The following RALGAPA1 variants were observed in gnomAD, a reference collection of about 807,000 sequenced individuals.
The protein encoded by RALGAPA1 is ral GTPase-activating protein subunit alpha-1.
RALGAPA1 carries 52 observed loss-of-function variants against 269.6 expected under a neutral mutation model. The observed-to-expected ratio is 0.19, with a 90% CI of 0.15 to 0.24. The LOEUF (loss-of-function observed/expected upper bound fraction) is 0.24, where lower values mean the gene tolerates loss of function less well. Among genes scored for constraint, RALGAPA1 ranks in the 10% least tolerant of loss-of-function variants. The probability of loss-of-function intolerance (pLI) is 1.00; values close to 1 mark genes in which losing one functional copy is unlikely to be tolerated. For synonymous variants in RALGAPA1, 817 were observed against 1,008.3 expected, an observed-to-expected ratio of 0.81 and a Z score of 3.60; for missense variants, 1,917 against 3,013.9, an observed-to-expected ratio of 0.64 and a Z score of 8.52.
intron 23 of RALGAPA1, 95 bp from the exon 24 acceptor site, chr14:35,674,373 C>A: frequency 8.0e-7 from 1 of 1,256,710 alleles, no homozygotes; most frequent in Admixed American, 2.4e-5. Flanking sequence ...TCTACACTTA[C>A]TATTTAATTA....
At chr14:35,696,771 T>C (rs894580547) in intron 17 of RALGAPA1, among the ~76,000 whole-genome samples, 39 of 151,822 alleles carry the variant, frequency 2.6e-4, no homozygotes, top group Admixed American at 6.6e-4. Flanking sequence ...TGAAGAAACC[T>C]CATTTCCTGA....
chr14:35,612,842 C>T (rs2060042240), intron 35 of RALGAPA1, among the ~76,000 whole-genome samples: 1 of 151,712 alleles, frequency 6.6e-6, no homozygotes, highest in Non-Finnish European at 1.5e-5. Context: ...CCGGCCTAGG[C>T]AAGGTCTTTT....
intron 16 of RALGAPA1, among the ~76,000 whole-genome samples, chr14:35,710,746 C>T (rs2068252641): frequency 6.6e-6 from 1 of 152,164 alleles, no homozygotes; most frequent in African/African-American, 2.4e-5. Flanking sequence ...TCTATTTTAG[C>T]TGTAGGGATT....
chr14:35,700,773 A>G (rs1595201957), intron 16 of RALGAPA1, among the ~76,000 whole-genome samples: 1 of 152,212 alleles, frequency 6.6e-6, no homozygotes, highest in African/African-American at 2.4e-5. Context: ...CATACTCTTT[A>G]CCAAATAAAG....
chr14:35,763,301 G>A (rs1430655594), intron 4 of RALGAPA1, among the ~76,000 whole-genome samples: 2 of 152,026 alleles, frequency 1.3e-5, no homozygotes, highest in Admixed American at 6.6e-5. Flanking sequence ...AAATCTACAC[G>A]TAGTTCCATG....
chr14:35,772,300 C>T (rs2074695026), intron 3 of RALGAPA1, among the ~76,000 whole-genome samples: 1 of 152,182 alleles, frequency 6.6e-6, no homozygotes, highest in South Asian at 2.1e-4. Context: ...AAGCAATCCT[C>T]CTGCCTTGGC....
intron 35 of RALGAPA1, among the ~76,000 whole-genome samples, chr14:35,612,031 A>T (rs950806673): frequency 2.6e-5 from 4 of 152,194 alleles, no homozygotes; most frequent in Non-Finnish European, 4.4e-5. Flanking sequence ...TTCAATGAAT[A>T]GTGTTTTCAA....
At chr14:35,628,091 G>A in intron 33 of RALGAPA1, 140 bp from the exon 34 acceptor site, 2 of 995,574 alleles carry the variant, frequency 2.0e-6, no homozygotes, top group East Asian at 2.7e-5. Flanking sequence ...AGTAATGATG[G>A]CAAAAAAGGA....
intron 16 of RALGAPA1, among the ~76,000 whole-genome samples, chr14:35,713,597 G>A (rs1255529034): frequency 6.6e-6 from 1 of 152,074 alleles, no homozygotes; most frequent in African/African-American, 2.4e-5. Flanking sequence ...TTCTTTTTCA[G>A]CTTTTACATG....
intron 26 of RALGAPA1, among the ~76,000 whole-genome samples, chr14:35,665,426 T>C (rs2063851187): frequency 1.3e-5 from 2 of 152,236 alleles, no homozygotes; most frequent in Admixed American, 6.5e-5. Flanking sequence ...TACTAATATA[T>C]TGTTTTATTT....
chr14:35,563,190 G>C (rs1286877337), intron 39 of RALGAPA1, among the ~76,000 whole-genome samples: 1 of 152,226 alleles, frequency 6.6e-6, no homozygotes, highest in East Asian at 1.9e-4. Flanking sequence ...AGTAAGACTT[G>C]CTAATATATA....
chr14:35,596,933 C>T (rs1476985210), intron 36 of RALGAPA1, among the ~76,000 whole-genome samples: 2 of 152,142 alleles, frequency 1.3e-5, no homozygotes, highest in African/African-American at 4.8e-5. Flanking sequence ...ATAAAACATT[C>T]TGCATCTTGC....
chr14:35,793,489 C>T (rs1484015258), intron 1 of RALGAPA1, among the ~76,000 whole-genome samples: 1 of 152,132 alleles, frequency 6.6e-6, no homozygotes, highest in East Asian at 1.9e-4. Flanking sequence ...CCACCTCGGC[C>T]TCCCAAAGTG....
At chr14:35,666,799 T>C (rs74041567) in intron 26 of RALGAPA1, among the ~76,000 whole-genome samples, 2,771 of 152,308 alleles carry the variant, frequency 0.018, 84 homozygotes, top group African/African-American at 0.063. Flanking sequence ...TAGGGCTTAA[T>C]TCTCTTACAG....
intron 12 of RALGAPA1, among the ~76,000 whole-genome samples, chr14:35,733,620 C>G (rs1047482585): frequency 2.0e-5 from 3 of 152,016 alleles, no homozygotes; most frequent in African/African-American, 7.3e-5. Context: ...ATCAAAAAGA[C>G]TGAAACAGCA....
At chr14:35,572,465 C>T in intron 38 of RALGAPA1, 95 bp downstream of exon 38, 1 of 948,076 alleles carries the variant, frequency 1.1e-6, no homozygotes, top group Non-Finnish European at 1.5e-6. Context: ...CAACTTGATG[C>T]CTACTCCAAA....
chr14:35,774,946 C>A (rs2074908213), intron 3 of RALGAPA1, 60 bp downstream of exon 3: 1 of 992,866 alleles, frequency 1.0e-6, no homozygotes, highest in Non-Finnish European at 1.6e-6. Context: ...AAATATATTC[C>A]TTTGTATGTT....
rs2066306679 is a variant in RALGAPA1 at position 35,689,597 on chromosome 14, A to G, written c.2814T>C (p.Asp938=). The change falls in exon 18 of 42, where the codon GAT becomes GAC. Residue 938 remains aspartate (D), a synonymous_variant. Coordinates refer to ENST00000680220, the MANE Select transcript of RALGAPA1 (RefSeq NM_001346249.2). ...IQYIDLEGDD[D]LLSTLKEYFK... ...AATATTCTTTCAGGGTGGAAAGAAGATCATCATCTCCTTCAAGGTCAATGT... is the reference window on the plus strand; with the variant it reads ...AATATTCTTTCAGGGTGGAAAGAAGGTCATCATCTCCTTCAAGGTCAATGT... 2.4e-6 allele frequency: 3 copies of G among 1,241,774 alleles called. No homozygotes were observed. The South Asian group carries it at 1.2e-4, about 49-fold the overall frequency. The allele number at this position is 1,241,774 out of a possible 1,614,324, so 76.9% of individuals were successfully genotyped here. A position where few individuals can be genotyped will look rare whatever the true frequency, so the allele number is the denominator to read the frequency against.
chr14:35,650,143 A>G (rs2062716245), intron 31 of RALGAPA1, among the ~76,000 whole-genome samples: 2 of 152,114 alleles, frequency 1.3e-5, no homozygotes, highest in Non-Finnish European at 2.9e-5. Context: ...AGGCCGAGGC[A>G]GGTGGATCAC....
Sources: allele counts gnomAD v4.1 joint callset (sites outside exome capture counted in the v4.1 genomes callset), GRCh38; gene constraint gnomAD v4.1.1; transcripts MANE v1.5; gene names NCBI Gene and HGNC (gene_info 2026-07-23, HGNC 2026-07-21).